The following BBX variants were observed in gnomAD, a reference collection of about 807,000 sequenced individuals.
BBX encodes BBX high mobility group box domain containing.
Under a neutral mutation model 100.2 loss-of-function variants are expected in BBX, and 30 were observed. The ratio of observed to expected loss-of-function variants is 0.30; its 90% confidence interval spans 0.22 to 0.41. The LOEUF (loss-of-function observed/expected upper bound fraction) is 0.41, where lower values mean the gene tolerates loss of function less well. Ranked by LOEUF, BBX falls within the 10% of genes least tolerant of loss-of-function variation. BBX has a pLI of 1.00. For missense variants in BBX, 1,023 were observed against 1,129.8 expected (o/e 0.91, Z 1.35); for synonymous variants, 376 against 388.1 (o/e 0.97, Z 0.37).
intron 6 of BBX, among the ~76,000 whole-genome samples, chr3:107,731,901 T>A (rs2063339876): frequency 6.6e-6 from 1 of 152,204 alleles, no homozygotes. Context: ...TAAATATACG[T>A]TGAGGACCTT....
chr3:107,713,967 C>CT (rs569427270), intron 4 of BBX, among the ~76,000 whole-genome samples: 6,997 of 82,200 alleles, frequency 0.085, 1,517 homozygotes, highest in Non-Finnish European at 0.13. Context: ...TAATTTTTTT[C>CT]TTTTTTTTTT....
In BBX at chr3:107,774,580, C is replaced by T. The variant is rs182351884; in HGVS notation, c.1916-139C>T. On this transcript the variant is annotated intron_variant, in intron 11 of 17. Transcript: ENST00000325805. ...TAAAGATGGTCCAGCATGAATCACTCTGAGAACTCTGAAATAGCTACAGTT... is the reference window on the plus strand; with the variant it reads ...TAAAGATGGTCCAGCATGAATCACTTTGAGAACTCTGAAATAGCTACAGTT... The T allele has an allele frequency of 1.1e-5, 10 of 881,506 alleles. No individual in the cohort carries two copies. In the African/African-American group the frequency reaches 1.3e-4, roughly 12 times the overall value. The allele number at this position is 881,506 out of a possible 1,614,324, so 54.6% of individuals were successfully genotyped here.
intron 2 of BBX, among the ~76,000 whole-genome samples, chr3:107,617,964 A>G (rs934407724): frequency 2.0e-5 from 3 of 151,728 alleles, no homozygotes; most frequent in African/African-American, 7.3e-5. Context: ...TCCTGATTTT[A>G]GGAAAAATAT....
chr3:107,543,040 A>G (rs1293189999), intron 2 of BBX, among the ~76,000 whole-genome samples: 1 of 152,192 alleles, frequency 6.6e-6, no homozygotes, highest in Non-Finnish European at 1.5e-5. Context: ...TAAACTTCTA[A>G]AGTTAAAAAA....
At chr3:107,761,701 G>C (rs1160708920) in intron 10 of BBX, among the ~76,000 whole-genome samples, 1 of 152,168 alleles carries the variant, frequency 6.6e-6, no homozygotes, top group Non-Finnish European at 1.5e-5. Flanking sequence ...GATGCTGAGG[G>C]TGGGGGAAAG....
At chr3:107,653,440 T>G (rs2057961108) in intron 3 of BBX, among the ~76,000 whole-genome samples, 1 of 152,196 alleles carries the variant, frequency 6.6e-6, no homozygotes, top group Non-Finnish European at 1.5e-5. Flanking sequence ...TCAGTTAATG[T>G]GTACCAGAAA....
At chr3:107,627,331 G>A (rs772784320) in intron 2 of BBX, among the ~76,000 whole-genome samples, 2 of 152,156 alleles carry the variant, frequency 1.3e-5, no homozygotes, top group African/African-American at 2.4e-5. Context: ...CAAATGCAGA[G>A]GCTTATGTAT....
intron 2 of BBX, among the ~76,000 whole-genome samples, chr3:107,587,459 T>TG (rs1280043756): frequency 6.6e-6 from 1 of 152,160 alleles, no homozygotes; most frequent in African/African-American, 2.4e-5. Flanking sequence ...CCCTAGAAAT[T>TG]GCTGTTCTCA....
chr3:107,679,680 A>G (rs754563123), intron 3 of BBX, among the ~76,000 whole-genome samples: 11 of 152,168 alleles, frequency 7.2e-5, no homozygotes, highest in Non-Finnish European at 1.6e-4. Context: ...AATGGAAAAA[A>G]TAAAACATGA....
intron 2 of BBX, among the ~76,000 whole-genome samples, chr3:107,552,347 T>TTAAAA (rs904435479): frequency 2.2e-5 from 1 of 45,938 alleles, no homozygotes. Context: ...CCTGTTTCAT[T>TTAAAA]AAAAAAAAAA....
intron 2 of BBX, among the ~76,000 whole-genome samples, chr3:107,560,850 A>G (rs892667439): frequency 3.9e-5 from 6 of 152,216 alleles, no homozygotes; most frequent in African/African-American, 1.4e-4. Flanking sequence ...ATTCTGAGCA[A>G]TGAGGAAGTC....
At chr3:107,620,126 T>C (rs1246309885) in intron 2 of BBX, among the ~76,000 whole-genome samples, 3 of 149,096 alleles carry the variant, frequency 2.0e-5, no homozygotes, top group African/African-American at 7.3e-5. Flanking sequence ...TTTTGTTTTA[T>C]TTTCTCCTTT....
intron 3 of BBX, among the ~76,000 whole-genome samples, chr3:107,708,402 G>A (rs562549533): frequency 3.9e-5 from 6 of 152,132 alleles, no homozygotes; most frequent in East Asian, 3.8e-4. Context: ...AAGGCCGGGC[G>A]TGGTGGCTCA....
chr3:107,626,189 G>T (rs952247870), intron 2 of BBX, among the ~76,000 whole-genome samples: 1 of 152,140 alleles, frequency 6.6e-6, no homozygotes, highest in South Asian at 2.1e-4. Context: ...GAAGAAACAT[G>T]TTCTATATGG....
chr3:107,596,837 G>A (rs2053697246), intron 2 of BBX, among the ~76,000 whole-genome samples: 2 of 152,124 alleles, frequency 1.3e-5, no homozygotes, highest in Admixed American at 1.3e-4. Context: ...GGAACACTTC[G>A]TTGATCAAAG....
intron 14 of BBX, among the ~76,000 whole-genome samples, 159 bp downstream of exon 14, chr3:107,790,035 C>T (rs1298589757): frequency 6.6e-6 from 1 of 152,092 alleles, no homozygotes; most frequent in Non-Finnish European, 1.5e-5. Flanking sequence ...TTTCCGGACT[C>T]TGCAGCTAAT....
chr3:107,578,416 AAGAT>A (rs145414202), intron 2 of BBX, among the ~76,000 whole-genome samples: 40,622 of 152,064 alleles, frequency 0.27, 6,348 homozygotes, highest in Middle Eastern at 0.41. Context: ...ACTTGACTGA[AAGAT>A]AGAGTGAGGT....
rs990678214 is a variant in BBX at position 107,806,311 on chromosome 3, G to T, written c.*854G>T. ...AGGATTCTTTTATTTTTACATAGGG[G>T]TCTAAGTGACCAATGGATTGTTCAT... is the stretch of plus-strand genomic sequence containing the variant. On this transcript the variant is annotated 3_prime_UTR_variant, in exon 18 of 18. Coordinates refer to ENST00000325805, the MANE Select transcript of BBX (RefSeq NM_001142568.3). 1 of 151,928 alleles carries T rather than the reference G, an allele frequency of 6.6e-6. No homozygotes were observed. Among genetic ancestry groups the T allele is most frequent in the African/African-American group, 2.4e-5 (1 of 41,326 alleles). 9.4% of individuals were successfully genotyped at this position (151,928 alleles called of 1,614,324 possible).
intron 3 of BBX, chr3:107,646,205 A>T (rs2057508697): frequency 6.6e-6 from 1 of 152,188 alleles, no homozygotes; most frequent in Non-Finnish European, 1.5e-5. Flanking sequence ...AAAGTCCTAG[A>T]TACTAAGAGG....
Sources: allele counts gnomAD v4.1 joint callset (sites outside exome capture counted in the v4.1 genomes callset), GRCh38; gene constraint gnomAD v4.1.1; transcripts MANE v1.5; gene names NCBI Gene and HGNC (gene_info 2026-07-23, HGNC 2026-07-21).